Variants in RADIL observed in about 807,000 individuals in gnomAD.
RADIL encodes Rap associating with DIL domain.
Under a neutral mutation model 97.6 loss-of-function variants are expected in RADIL, and 99 were observed. That is an observed-to-expected ratio of 1.01 (90% CI 0.86 to 1.20). The LOEUF (loss-of-function observed/expected upper bound fraction) is 1.20. Ranked by LOEUF, RADIL falls within the 50% of genes most tolerant of loss-of-function variation. RADIL has a pLI of 0.00. For missense variants in RADIL, 1,765 were observed against 1,498.9 expected (o/e 1.18, Z -2.93); for synonymous variants, 803 against 691.8 (o/e 1.16, Z -2.52).
At chr7:4,846,287 C>T (rs912018947) in intron 2 of RADIL, among the ~76,000 whole-genome samples, 2 of 152,028 alleles carry the variant, frequency 1.3e-5, no homozygotes, top group East Asian at 1.9e-4. Context: ...GCTGGAATTA[C>T]GGGTGCCTGC....
At position 4,872,307 on chromosome 7, in the gene RADIL, T is replaced by G. The variant is rs990867609; in HGVS notation, c.535+5298A>C. Among the ~76,000 whole-genome samples the G allele has an allele frequency of 1.3e-5, 2 of 152,216 alleles. No homozygotes were observed. The highest frequency in any genetic ancestry group is 4.8e-5 in the African/African-American group (2 of 41,466). On this transcript the variant is annotated intron_variant, in intron 2 of 14. Coordinates refer to ENST00000399583, the MANE Select transcript of RADIL (RefSeq NM_018059.5). The surrounding 1 kb of genome is among the most constrained non-coding windows in gnomAD (Gnocchi z 5.8). ...GAGCCAGGGACACTGCTCATCGCCC[T>G]GCAACCACGGACGCCTCCCTCAGCA...
chr7:4,882,843 C>A (rs993481206), intron 1 of RADIL, among the ~76,000 whole-genome samples: 1 of 152,214 alleles, frequency 6.6e-6, no homozygotes, highest in Non-Finnish European at 1.5e-5. Flanking sequence ...CTATATTAAC[C>A]GCGGGACACG....
At chr7:4,845,946 C>T (rs1032186480) in intron 2 of RADIL, among the ~76,000 whole-genome samples, 2 of 152,036 alleles carry the variant, frequency 1.3e-5, no homozygotes, top group Non-Finnish European at 2.9e-5. Flanking sequence ...CCAGTTACCC[C>T]GGGAAGCTGT....
In RADIL at chr7:4,835,647, G is replaced by A. The variant is rs552711244; in HGVS notation, c.784-408C>T. On this transcript the variant is annotated intron_variant, in intron 3 of 14. Transcript: ENST00000399583. The surrounding 1 kb of genome is among the most constrained non-coding windows in gnomAD (Gnocchi z 5.8). ...CCACCCCCAGTGTGGGAGCACTGCC[G>A]CCTGTGTGAGAGCACTGCCCCGAGG... Among the ~76,000 whole-genome samples, 4 of 151,694 alleles carry A rather than the reference G, an allele frequency of 2.6e-5. No homozygotes were observed. Among genetic ancestry groups the A allele is most frequent in the African/African-American group, 7.3e-5 (3 of 41,320 alleles).
Position 4,814,811 on chromosome 7 carries a change from G to A in RADIL, c.2139+467C>T, listed in dbSNP as rs554011778. On this transcript the variant is annotated intron_variant, in intron 9 of 14. Coordinates refer to ENST00000399583, the MANE Select transcript of RADIL (RefSeq NM_018059.5). The surrounding 1 kb of genome is among the most constrained non-coding windows in gnomAD (Gnocchi z 4.5). ...CCTGTGGTTGTAGGACTGGGGTCCC[G>A]TTTCCAGACTGGCTGTCAGCTGGGG... Among the ~76,000 whole-genome samples, 5 of 152,190 alleles carry A rather than the reference G, an allele frequency of 3.3e-5. No homozygotes were observed. Among genetic ancestry groups the A allele is most frequent in the South Asian group, 2.1e-4 (1 of 4,832 alleles).
At chr7:4,841,581 G>A (rs140388984) in intron 2 of RADIL, among the ~76,000 whole-genome samples, 27 of 152,292 alleles carry the variant, frequency 1.8e-4, no homozygotes, top group Admixed American at 3.3e-4. Context: ...CTACTGCCCC[G>A]TGTTGATCCA....
chr7:4,863,263 TCTG>T (rs1784062207), intron 2 of RADIL, among the ~76,000 whole-genome samples: 1 of 152,180 alleles, frequency 6.6e-6, no homozygotes, highest in Admixed American at 6.5e-5. Context: ...TAGATGGCAT[TCTG>T]TTCTTTCATG....
At position 4,872,395 on chromosome 7, in the gene RADIL, C is replaced by T. The variant is rs773154141; in HGVS notation, c.535+5210G>A. ...GAAAGCAAGGAAGGCCAGCCCTCCC[C>T]GGGCTCTGCGCGGGTTTAACACTTA... On this transcript the variant is annotated intron_variant, in intron 2 of 14. Coordinates refer to ENST00000399583, the MANE Select transcript of RADIL (RefSeq NM_018059.5). The surrounding 1 kb of genome is among the most constrained non-coding windows in gnomAD (Gnocchi z 5.8). Among the ~76,000 whole-genome samples the T allele has an allele frequency of 2.0e-5, 3 of 152,194 alleles. No individual in the cohort carries two copies. The highest frequency in any genetic ancestry group is 7.2e-5 in the African/African-American group (3 of 41,452).
At chr7:4,858,964 A>G (rs765386635) in intron 2 of RADIL, 1 of 152,244 alleles carries the variant, frequency 6.6e-6, no homozygotes, top group African/African-American at 2.4e-5. Flanking sequence ...TGATAGCTCA[A>G]AGAAAATGTT....
At chr7:4,832,100 C>G in intron 5 of RADIL, 41 bp downstream of exon 5, 1 of 1,606,592 alleles carries the variant, frequency 6.2e-7, no homozygotes, top group Non-Finnish European at 8.5e-7. Context: ...CCCCCAGGAC[C>G]TGCTGCCCAG....
rs550374687 is a variant in RADIL at position 4,826,932 on chromosome 7, A to G, written c.1455-4378T>C. Among the ~76,000 whole-genome samples, 139 of 152,140 alleles carry G rather than the reference A, an allele frequency of 9.1e-4. 1 individual carries two copies. Among genetic ancestry groups the G allele is most frequent in the African/African-American group, 3.3e-3 (135 of 41,406 alleles). ...AACAATGGCTTTCAAAACATAAAACAAAAGGGCACAGAAAGAGTGAACCTA... is the reference window on the plus strand; with the variant it reads ...AACAATGGCTTTCAAAACATAAAACGAAAGGGCACAGAAAGAGTGAACCTA... On this transcript the variant is annotated intron_variant, in intron 5 of 14. Coordinates refer to ENST00000399583, the MANE Select transcript of RADIL (RefSeq NM_018059.5).
intron 12 of RADIL, among the ~76,000 whole-genome samples, chr7:4,800,889 C>G (rs1051155350): frequency 7.9e-5 from 12 of 152,326 alleles, no homozygotes; most frequent in Middle Eastern, 3.4e-3. Context: ...AGGGGACACT[C>G]TGACTCTGCA....
At chr7:4,826,245 CAA>C (rs1050860143) in intron 5 of RADIL, among the ~76,000 whole-genome samples, 5 of 151,686 alleles carry the variant, frequency 3.3e-5, no homozygotes, top group African/African-American at 1.2e-4. Context: ...GAAGTAAAAA[CAA>C]AGAATGATTT....
chr7:4,814,247 T>C lies in RADIL; in HGVS notation c.2139+1031A>G, dbSNP rs111587705. 6.6e-6 allele frequency among the ~76,000 whole-genome samples: 1 copy of C among 152,252 alleles called. No homozygotes were observed. The highest frequency in any genetic ancestry group is 1.5e-5 in the Non-Finnish European group (1 of 68,044). On this transcript the variant is annotated intron_variant, in intron 9 of 14. Coordinates refer to ENST00000399583, the MANE Select transcript of RADIL (RefSeq NM_018059.5). This position sits in a 1 kb window ranked among gnomAD's most constrained non-coding sequence, Gnocchi z 4.5. ...CTGTAGGAGAAGCAAACTAAATTCA[T>C]GTGTTCAATCTGCCACACGTAGGAT...
chr7:4,804,452 T>A (rs939216600), intron 10 of RADIL, among the ~76,000 whole-genome samples: 2 of 152,206 alleles, frequency 1.3e-5, no homozygotes, highest in Non-Finnish European at 2.9e-5. Context: ...TGTTAACACA[T>A]AATGCAGATG....
Position 4,880,856 on chromosome 7 carries a change from A to C in RADIL, c.-64-2653T>G, listed in dbSNP as rs972899659. ...GTCATGAAGCAGAGCCAAGTATTTAAAAGGCCAAGGCAGGAGAATGGCTTA... is the reference window on the plus strand; with the variant it reads ...GTCATGAAGCAGAGCCAAGTATTTACAAGGCCAAGGCAGGAGAATGGCTTA... On this transcript the variant is annotated intron_variant, in intron 1 of 14. Transcript: ENST00000399583. The surrounding 1 kb of genome is among the most constrained non-coding windows in gnomAD (Gnocchi z 4.5). 2.0e-5 allele frequency among the ~76,000 whole-genome samples: 3 copies of C among 152,236 alleles called. No individual in the cohort carries two copies. Among genetic ancestry groups the C allele is most frequent in the Non-Finnish European group, 4.4e-5 (3 of 68,042 alleles).
At position 4,861,193 on chromosome 7, in the gene RADIL, C is replaced by G. The variant is rs1182730937; in HGVS notation, c.535+16412G>C. The stretch of plus-strand genomic sequence containing the variant: ...CTAGATGTAAAATTTCATCGGTTAC[C>G]CGGCAACCATTAAGGCTTCTTATGC... On this transcript the variant is annotated intron_variant, in intron 2 of 14. Transcript: ENST00000399583. 4 of 1,614,040 alleles carry G rather than the reference C, an allele frequency of 2.5e-6. No individual in the cohort carries two copies. In the Admixed American group the frequency reaches 6.7e-5, roughly 27 times the overall value.
chr7:4,832,052 G>A lies in RADIL; in HGVS notation c.1454+89C>T, dbSNP rs1341102453. Reference sequence around the variant, plus strand: ...CCCAGAGCTGACCCCAAGGCGTGGGGAGACCCCTCGGGACTTGGCTCCCCC... The same window carrying A: ...CCCAGAGCTGACCCCAAGGCGTGGGAAGACCCCTCGGGACTTGGCTCCCCC... On this transcript the variant is annotated intron_variant, in intron 5 of 14. Coordinates refer to ENST00000399583, the MANE Select transcript of RADIL (RefSeq NM_018059.5). The A allele has an allele frequency of 5.0e-6, 7 of 1,410,530 alleles. No individual in the cohort carries two copies. In the Admixed American group the frequency reaches 9.2e-5, roughly 19 times the overall value. 87.4% of individuals were successfully genotyped at this position (1,410,530 alleles called of 1,614,324 possible).
chr7:4,800,426 G>A, intron 12 of RADIL, 116 bp from the exon 13 acceptor site: 4 of 1,143,196 alleles, frequency 3.5e-6, no homozygotes, highest in Non-Finnish European at 4.7e-6. Context: ...GGCCTCCTGT[G>A]GCTCCCAGGA....
Sources: gnomAD v4.1 joint callset for allele counts (sites outside exome capture counted in the v4.1 genomes callset) on GRCh38, gnomAD v4.1.1 for gene constraint, Gnocchi (gnomAD v3.1) non-coding constraint, MANE v1.5 for transcripts, NCBI Gene and HGNC (gene_info 2026-07-23, HGNC 2026-07-21) for gene names.